Variants in ASIC2 observed in about 807,000 individuals in gnomAD.
The protein encoded by ASIC2 is acid sensing ion channel subunit 2.
ASIC2 carries 25 observed loss-of-function variants against 57.3 expected under a neutral mutation model. The observed-to-expected ratio is 0.44, with a 90% CI of 0.32 to 0.61. The LOEUF (loss-of-function observed/expected upper bound fraction) is 0.61. ASIC2 is among the 20% of genes least tolerant of loss of function. The pLI is 0.06. For missense variants in ASIC2, 641 were observed against 738.1 expected (o/e 0.87, Z 1.52); for synonymous variants, 319 against 307.5 (o/e 1.04, Z -0.39).
At chr17:33,134,353 C>T (rs1567757628) in intron 1 of ASIC2, among the ~76,000 whole-genome samples, 1 of 152,168 alleles carries the variant, frequency 6.6e-6, no homozygotes, top group African/African-American at 2.4e-5. Context: ...CAAAAGCTTA[C>T]AGAGCAGAGG....
intron 1 of ASIC2, among the ~76,000 whole-genome samples, chr17:33,522,216 C>T (rs1350186880): frequency 1.3e-5 from 2 of 152,230 alleles, no homozygotes; most frequent in Non-Finnish European, 2.9e-5. Context: ...CCACCAGCCC[C>T]CCAAACCTCC....
At chr17:33,196,948 C>T (rs557832306) in intron 1 of ASIC2, among the ~76,000 whole-genome samples, 171 of 152,312 alleles carry the variant, frequency 1.1e-3, no homozygotes, top group Non-Finnish European at 1.8e-3. Flanking sequence ...CAGGGACACA[C>T]GTCTAAGTCC....
At chr17:33,677,469 A>T (rs751218150) in intron 1 of ASIC2, among the ~76,000 whole-genome samples, 7 of 152,262 alleles carry the variant, frequency 4.6e-5, no homozygotes, top group African/African-American at 2.4e-5. Flanking sequence ...ATAGATAGTA[A>T]TTCCCCTGAT....
At chr17:33,379,467 T>C (rs920017351) in intron 1 of ASIC2, among the ~76,000 whole-genome samples, 4 of 152,214 alleles carry the variant, frequency 2.6e-5, no homozygotes, top group Admixed American at 6.5e-5. Context: ...CCAGATTTTA[T>C]AGGACTCCTA....
intron 1 of ASIC2, among the ~76,000 whole-genome samples, chr17:33,336,881 G>A (rs1002872080): frequency 1.3e-5 from 2 of 152,132 alleles, no homozygotes; most frequent in African/African-American, 2.4e-5. Context: ...TTGTCAATGC[G>A]CTCGTGGCAG....
At chr17:33,734,130 G>A (rs1022194848) in intron 1 of ASIC2, among the ~76,000 whole-genome samples, 6 of 152,064 alleles carry the variant, frequency 3.9e-5, no homozygotes, top group African/African-American at 1.2e-4. Flanking sequence ...CTGCATCTGC[G>A]CCAGGCTCTC....
At chr17:34,154,415 A>G (rs1204957434) in intron 1 of ASIC2, among the ~76,000 whole-genome samples, 1 of 152,094 alleles carries the variant, frequency 6.6e-6, no homozygotes, top group East Asian at 1.9e-4. Context: ...TTTAGCATAC[A>G]CTACTGCCGA....
At chr17:33,608,931 T>G (rs1252814125) in intron 1 of ASIC2, among the ~76,000 whole-genome samples, 2 of 152,182 alleles carry the variant, frequency 1.3e-5, no homozygotes, top group Non-Finnish European at 2.9e-5. Flanking sequence ...ATCCTCTAGT[T>G]CTACCCTGGC....
intron 1 of ASIC2, among the ~76,000 whole-genome samples, chr17:33,492,063 T>TTTGC (rs1309649997): frequency 2.0e-5 from 3 of 152,358 alleles, no homozygotes; most frequent in African/African-American, 7.2e-5. Flanking sequence ...CTTTAACCAC[T>TTTGC]TTGCGTTTGC....
At chr17:33,440,195 G>C (rs1272449769) in intron 1 of ASIC2, among the ~76,000 whole-genome samples, 1 of 152,122 alleles carries the variant, frequency 6.6e-6, no homozygotes, top group African/African-American at 2.4e-5. Context: ...CCAGCTAGCT[G>C]TCTCTGTAAA....
At chr17:33,829,163 C>T (rs1913029162) in intron 1 of ASIC2, among the ~76,000 whole-genome samples, 1 of 152,106 alleles carries the variant, frequency 6.6e-6, no homozygotes, top group Non-Finnish European at 1.5e-5. Flanking sequence ...ACCTGGTCAA[C>T]AAAAGGGTGG....
intron 3 of ASIC2, among the ~76,000 whole-genome samples, chr17:33,074,999 G>A (rs1212845171): frequency 6.6e-6 from 1 of 152,176 alleles, no homozygotes; most frequent in Non-Finnish European, 1.5e-5. Context: ...CTTCCGCAGA[G>A]TGAGGTCACC....
chr17:33,876,618 T>A (rs2141935849), intron 1 of ASIC2, among the ~76,000 whole-genome samples: 1 of 152,222 alleles, frequency 6.6e-6, no homozygotes, highest in Non-Finnish European at 1.5e-5. Flanking sequence ...ATAAATCACA[T>A]AAAAGTTAAG....
chr17:33,172,819 G>A (rs1416308533), intron 1 of ASIC2, among the ~76,000 whole-genome samples: 1 of 152,218 alleles, frequency 6.6e-6, no homozygotes, highest in Admixed American at 6.5e-5. Context: ...TCCTGAATCA[G>A]AAACTGTGAG....
rs185866710 is a variant in ASIC2 at position 33,106,629 on chromosome 17, C to T, written c.859+5288G>A. 3.2e-3 allele frequency among the ~76,000 whole-genome samples: 495 copies of T among 152,318 alleles called. 2 individuals carry two copies. The highest frequency in any genetic ancestry group is 0.011 in the African/African-American group (457 of 41,568). On this transcript the variant is annotated intron_variant, in intron 2 of 9. Transcript: ENST00000225823. ...CTCTTGGGAGTGCCTTCTGCAACCA[C>T]CATCGGCCCAACTTCTTTAGGACTA... is the stretch of plus-strand genomic sequence containing the variant.
intron 1 of ASIC2, among the ~76,000 whole-genome samples, chr17:33,202,109 T>C (rs1049216196): frequency 2.6e-5 from 4 of 151,892 alleles, no homozygotes; most frequent in African/African-American, 7.3e-5. Flanking sequence ...CCTTGAATTA[T>C]TTCCTGGGTA....
At chr17:33,046,529 T>A (rs1555565513) in intron 3 of ASIC2, among the ~76,000 whole-genome samples, 1 of 152,098 alleles carries the variant, frequency 6.6e-6, no homozygotes, top group Non-Finnish European at 1.5e-5. Flanking sequence ...TGGGTGTGTG[T>A]GTGTGGGGAG....
chr17:34,085,952 G>C (rs934447721), intron 1 of ASIC2, among the ~76,000 whole-genome samples: 2 of 151,708 alleles, frequency 1.3e-5, no homozygotes, highest in African/African-American at 4.9e-5. Flanking sequence ...AGTCTTGCTA[G>C]TGGTCTATCA....
chr17:33,400,832 C>A (rs886927788), intron 1 of ASIC2, among the ~76,000 whole-genome samples: 2 of 152,160 alleles, frequency 1.3e-5, no homozygotes, highest in African/African-American at 4.8e-5. Flanking sequence ...GCCACCCCTG[C>A]CAGCCTCTCT....
Sources: allele counts gnomAD v4.1 joint callset (sites outside exome capture counted in the v4.1 genomes callset), GRCh38; gene constraint gnomAD v4.1.1; transcripts MANE v1.5; gene names NCBI Gene and HGNC (gene_info 2026-07-23, HGNC 2026-07-21).